The following HTT variants were observed in gnomAD, a reference collection of about 807,000 sequenced individuals.
HTT encodes huntingtin, also known as huntington disease protein.
A neutral mutation model predicts 362.3 loss-of-function variants in HTT; 104 were observed. The observed-to-expected ratio is 0.29, with a 90% CI of 0.24 to 0.34. HTT has a LOEUF of 0.34. Among genes scored for constraint, HTT ranks in the 10% least tolerant of loss-of-function variants. The pLI is 1.00. For missense variants in HTT, 3,301 were observed against 3,928.6 expected (o/e 0.84, Z 4.27); for synonymous variants, 1,577 against 1,548.7 (o/e 1.02, Z -0.43).
chr4:3,222,277 C>T (rs1440706365), intron 53 of HTT, 110 bp from the exon 54 acceptor site: 46 of 789,828 alleles, frequency 5.8e-5, no homozygotes, highest in Non-Finnish European at 9.1e-5. Flanking sequence ...ACTCACTGCC[C>T]TTGGCGTGGA....
intron 40 of HTT, among the ~76,000 whole-genome samples, chr4:3,190,675 G>A (rs966103518): frequency 2.0e-5 from 3 of 152,166 alleles, no homozygotes; most frequent in South Asian, 2.1e-4. Context: ...CAGCCTGGGC[G>A]AGATCGAGAC....
intron 29 of HTT, among the ~76,000 whole-genome samples, chr4:3,164,779 T>A (rs1392408601): frequency 6.6e-6 from 1 of 152,200 alleles, no homozygotes; most frequent in Non-Finnish European, 1.5e-5. Context: ...GCTTGTTAGA[T>A]CTTCCTCCAT....
chr4:3,225,732 A>G lies in HTT; in HGVS notation c.7837A>G (p.Lys2613Glu). 1 of 1,613,976 alleles carries G rather than the reference A, an allele frequency of 6.2e-7. No individual in the cohort carries two copies. The highest frequency in any genetic ancestry group is 8.5e-7 in the Non-Finnish European group (1 of 1,179,958). ...GCGGGAGCTGGGGAGCATGAGCTAC[A>G]AACTCGGCCAGGTCAGTCTCGCGCC... is the stretch of plus-strand genomic sequence containing the variant. ...PERELGSMSY[K>E]LGQVSIHSVW... Residue 2613 changes from lysine to glutamate, a missense_variant, in exon 57 of 67, where the codon AAA becomes GAA. Lys to Glu is a moderately conservative substitution (Grantham distance 56). Coordinates refer to ENST00000355072, the MANE Select transcript of HTT (RefSeq NM_001388492.1).
intron 1 of HTT, among the ~76,000 whole-genome samples, chr4:3,081,746 G>A (rs992060666): frequency 6.6e-6 from 1 of 151,210 alleles, no homozygotes; most frequent in East Asian, 1.9e-4. Flanking sequence ...TAGTAGAGAC[G>A]GGGTTTCTCC....
intron 3 of HTT, among the ~76,000 whole-genome samples, chr4:3,100,802 A>G (rs1420928088): frequency 3.3e-5 from 5 of 152,226 alleles, no homozygotes; most frequent in African/African-American, 9.6e-5. Context: ...ATCACGGCTC[A>G]TTGCAGCCTT....
At chr4:3,235,845 A>G in intron 63 of HTT, 67 bp downstream of exon 63, 1 of 1,246,588 alleles carries the variant, frequency 8.0e-7, no homozygotes, top group Admixed American at 1.9e-5. Context: ...GAGCATGCTC[A>G]CTCAAGGGAC....
At chr4:3,141,958 T>A (rs2110199561) in intron 22 of HTT, among the ~76,000 whole-genome samples, 1 of 152,362 alleles carries the variant, frequency 6.6e-6, no homozygotes, top group East Asian at 1.9e-4. Flanking sequence ...TTGATAAGCT[T>A]AGAATAAATT....
chr4:3,138,077 CTTCCTTCCTTCCTTCCTTCCTTCT>C (rs1339807808), intron 21 of HTT, among the ~76,000 whole-genome samples: 1 of 150,134 alleles, frequency 6.7e-6, no homozygotes, highest in Non-Finnish European at 1.5e-5. Context: ...TCCTTCCTTC[CTTCCTTCCTTCCTTCCTTCCTTCT>C]TTCCTTCCTC....
At chr4:3,236,104 T>G (rs1273130574) in intron 63 of HTT, 45 bp from the exon 64 acceptor site, 1 of 1,344,898 alleles carries the variant, frequency 7.4e-7, no homozygotes, top group African/African-American at 1.4e-5. Context: ...CAGAGCCTAT[T>G]GGGTTGTATA....
chr4:3,150,672 A>T (rs945252008), intron 26 of HTT, among the ~76,000 whole-genome samples: 1 of 152,172 alleles, frequency 6.6e-6, no homozygotes, highest in African/African-American at 2.4e-5. Flanking sequence ...GAAAGTGTGT[A>T]CCTTTGTATT....
chr4:3,118,186 CAGATTT>C (rs1212446852), intron 8 of HTT, among the ~76,000 whole-genome samples: 2 of 152,160 alleles, frequency 1.3e-5, no homozygotes, highest in African/African-American at 4.8e-5. Context: ...AAAGCCTTGT[CAGATTT>C]AGTGTATATT....
At chr4:3,180,449 T>C in intron 35 of HTT, 66 bp from the exon 36 acceptor site, 1 of 1,420,594 alleles carries the variant, frequency 7.0e-7, no homozygotes, top group Non-Finnish European at 9.5e-7. Context: ...TTGTAGATGT[T>C]GAGAGCAGTT....
chr4:3,185,431 G>C (rs1272961436), intron 37 of HTT, among the ~76,000 whole-genome samples: 1 of 152,104 alleles, frequency 6.6e-6, no homozygotes, highest in Admixed American at 6.5e-5. Flanking sequence ...TGTAAGATGT[G>C]GCCAGTGTTG....
chr4:3,239,509 G>A (rs1425820751), intron 66 of HTT, among the ~76,000 whole-genome samples: 1 of 152,224 alleles, frequency 6.6e-6, no homozygotes. Flanking sequence ...AGCCTTGCCC[G>A]GCGTGCCTGG....
At chr4:3,125,398 C>G in intron 10 of HTT, 151 bp from the exon 11 acceptor site, 1 of 544,694 alleles carries the variant, frequency 1.8e-6, no homozygotes, top group Non-Finnish European at 3.3e-6. Context: ...GTGTTTAATA[C>G]TGTGGAGGTA....
At chr4:3,142,239 C>T (rs980916820) in intron 22 of HTT, among the ~76,000 whole-genome samples, 2 of 152,092 alleles carry the variant, frequency 1.3e-5, no homozygotes, top group Non-Finnish European at 2.9e-5. Flanking sequence ...TGAGTGTCTC[C>T]GTGGACAAGA....
At chr4:3,103,534 T>C (rs1236818652) in intron 3 of HTT, among the ~76,000 whole-genome samples, 4 of 152,180 alleles carry the variant, frequency 2.6e-5, no homozygotes, top group East Asian at 3.8e-4. Flanking sequence ...CCAGGATTTA[T>C]TGTATTTGAA....
At chr4:3,094,351 T>C (rs1015352764) in intron 2 of HTT, among the ~76,000 whole-genome samples, 9 of 152,240 alleles carry the variant, frequency 5.9e-5, no homozygotes, top group Admixed American at 6.5e-5. Flanking sequence ...TGATCTCTCT[T>C]TCTTTTCCCA....
rs1036120633 is a variant in HTT, at chr4:3,218,358, C to T, written c.7242+406C>T. On this transcript the variant is annotated intron_variant, in intron 52 of 66. Coordinates refer to ENST00000355072, the MANE Select transcript of HTT (RefSeq NM_001388492.1). This position sits in a 1 kb window ranked among gnomAD's most constrained non-coding sequence, Gnocchi z 4.4. ...GTTTAAAGTAGGTGTTATTGCCAGG[C>T]GCAGTAGCTCATGCCTGTAATCCCA... Among the ~76,000 whole-genome samples the T allele has an allele frequency of 5.3e-5, 8 of 152,092 alleles. No individual in the cohort carries two copies. Among genetic ancestry groups the T allele is most frequent in the African/African-American group, 1.4e-4 (6 of 41,440 alleles).
Sources: gnomAD v4.1 joint callset for allele counts (sites outside exome capture counted in the v4.1 genomes callset) on GRCh38, gnomAD v4.1.1 for gene constraint, Gnocchi (gnomAD v3.1) non-coding constraint, MANE v1.5 for transcripts, NCBI Gene and HGNC (gene_info 2026-07-23, HGNC 2026-07-21) for gene names.